The following KIAA2012 variants were observed in gnomAD, a reference collection of about 807,000 sequenced individuals.
KIAA2012 encodes KIAA2012.
In KIAA2012, 125 loss-of-function variants were observed where a neutral mutation model predicts 150.6. The observed-to-expected ratio is 0.83, with a 90% CI of 0.72 to 0.96. The LOEUF is 0.96. KIAA2012 is among the 40% of genes least tolerant of loss of function. The pLI is 0.00. For synonymous variants in KIAA2012, 462 were observed against 504.7 expected (o/e 0.92, Z 1.13); for missense variants, 1,219 against 1,354.9 (o/e 0.90, Z 1.57).
At chr2:202,126,226 TA>T (rs1293724618) in intron 12 of KIAA2012, among the ~76,000 whole-genome samples, 33 of 152,048 alleles carry the variant, frequency 2.2e-4, no homozygotes, top group African/African-American at 7.7e-4. Flanking sequence ...GTACTGGGAT[TA>T]CAGGCATGAG....
At chr2:202,079,920 A>G (rs1689409219) in intron 2 of KIAA2012, among the ~76,000 whole-genome samples, 1 of 152,208 alleles carries the variant, frequency 6.6e-6, no homozygotes, top group Admixed American at 6.5e-5. Flanking sequence ...TGTGTTTTAA[A>G]ATTCAGTTCA....
At chr2:202,177,355 G>A (rs10204998) in intron 15 of KIAA2012, among the ~76,000 whole-genome samples, 47,728 of 152,040 alleles carry the variant, frequency 0.31, 7,544 homozygotes, top group South Asian at 0.36. Flanking sequence ...GGGAGGGAGA[G>A]GGAAATGGGA....
intron 4 of KIAA2012, among the ~76,000 whole-genome samples, chr2:202,096,852 T>C (rs144207754): frequency 6.6e-6 from 1 of 152,352 alleles, no homozygotes; most frequent in East Asian, 1.9e-4. Context: ...GTTAACTATG[T>C]TGGAGTCATC....
At chr2:202,093,855 T>C (rs1689797007) in intron 4 of KIAA2012, among the ~76,000 whole-genome samples, 1 of 152,160 alleles carries the variant, frequency 6.6e-6, no homozygotes, top group African/African-American at 2.4e-5. Context: ...CTATGGAACT[T>C]GAAGCATTAA....
chr2:202,158,497 T>C (rs1691581724), intron 14 of KIAA2012, among the ~76,000 whole-genome samples: 2 of 152,088 alleles, frequency 1.3e-5, no homozygotes, highest in South Asian at 4.1e-4. Flanking sequence ...TCATTTTCCA[T>C]TTGTTGCATG....
At chr2:202,083,653 A>G (rs183397826) in intron 2 of KIAA2012, among the ~76,000 whole-genome samples, 5 of 151,672 alleles carry the variant, frequency 3.3e-5, no homozygotes, top group Admixed American at 3.3e-4. Flanking sequence ...AATCGAGCCA[A>G]CGTCTGAGTA....
At chr2:202,084,723 G>A (rs1689524514) in intron 2 of KIAA2012, among the ~76,000 whole-genome samples, 1 of 152,130 alleles carries the variant, frequency 6.6e-6, no homozygotes, top group African/African-American at 2.4e-5. Flanking sequence ...CTTTAGGGAA[G>A]AACTAAGGAA....
At chr2:202,159,564 G>A (rs950149904) in intron 14 of KIAA2012, among the ~76,000 whole-genome samples, 2 of 152,178 alleles carry the variant, frequency 1.3e-5, no homozygotes, top group African/African-American at 2.4e-5. Context: ...GGACCTGACA[G>A]GGCATGGTGG....
chr2:202,193,191 G>A, intron 19 of KIAA2012, 110 bp from the exon 20 acceptor site: 2 of 1,144,056 alleles, frequency 1.7e-6, no homozygotes, highest in Non-Finnish European at 1.3e-6. Context: ...TGTGGAGTCT[G>A]TTTTATGATT....
chr2:202,107,869 T>G (rs7571295), intron 9 of KIAA2012, among the ~76,000 whole-genome samples: 44,010 of 151,590 alleles, frequency 0.29, 7,879 homozygotes, highest in Non-Finnish European at 0.4. Flanking sequence ...ATTAGCCGGG[T>G]GTGGTGGCAC....
intron 15 of KIAA2012, among the ~76,000 whole-genome samples, chr2:202,183,456 G>A (rs1242783287): frequency 1.4e-5 from 2 of 138,752 alleles, no homozygotes; most frequent in Non-Finnish European, 3.0e-5. Context: ...TTTTTGGGGG[G>A]TTTTTGGGGG....
chr2:202,162,298 G>A (rs566246971), intron 14 of KIAA2012, among the ~76,000 whole-genome samples: 1 of 151,748 alleles, frequency 6.6e-6, no homozygotes, highest in Non-Finnish European at 1.5e-5. Context: ...TTTTTTAGAT[G>A]GAGTCTCACT....
At position 202,204,030 on chromosome 2, in the gene KIAA2012, G is replaced by C. The variant is rs1692586122; in HGVS notation, c.*21-968G>C. Among the ~76,000 whole-genome samples the C allele has an allele frequency of 2.0e-5, 3 of 151,280 alleles. No homozygotes were observed. In the South Asian group the frequency reaches 6.2e-4, roughly 31 times the overall value. On this transcript the variant is annotated intron_variant, in intron 23 of 23. Coordinates refer to ENST00000498697, the MANE Select transcript of KIAA2012 (RefSeq NM_001277372.4). Reference sequence around the variant, plus strand: ...GTGATCCGCCTACCTTGGCCTCCCAGAGTGCTGGGATTACAGGCGTGAGCC... The same window carrying C: ...GTGATCCGCCTACCTTGGCCTCCCACAGTGCTGGGATTACAGGCGTGAGCC...
rs769540369 is a variant in KIAA2012 at position 202,190,434 on chromosome 2, G to A, written c.2752G>A (p.Ala918Thr). The change falls in exon 19 of 24, where the codon GCA becomes ACA. Residue 918 changes from alanine to threonine, a missense_variant. Physicochemically the swap from Ala to Thr is moderately conservative, Grantham distance 58. Coordinates refer to ENST00000498697, the MANE Select transcript of KIAA2012 (RefSeq NM_001277372.4). Reference sequence around the variant, plus strand: ...TGGAAGATCATCACCCTCTCAGATTGCAACTGTCACTGGCAACATGGAATC... The same window carrying A: ...TGGAAGATCATCACCCTCTCAGATTACAACTGTCACTGGCAACATGGAATC... ...LDGRSSPSQIATVTGNMESKE... is the reference protein window; with the variant it reads ...LDGRSSPSQITTVTGNMESKE... The A allele has an allele frequency of 3.9e-6, 6 of 1,548,772 alleles. No individual in the cohort carries two copies. In the African/African-American group the frequency reaches 8.2e-5, roughly 21 times the overall value.
chr2:202,099,758 G>T lies in KIAA2012; in HGVS notation c.974G>T (p.Cys325Phe). 1 of 1,550,332 alleles carries T rather than the reference G, an allele frequency of 6.5e-7. No individual in the cohort carries two copies. The highest frequency in any genetic ancestry group is 8.7e-7 in the Non-Finnish European group (1 of 1,146,914). Residue 325 changes from cysteine to phenylalanine, a missense_variant, in exon 6 of 24, where the codon TGT becomes TTT. Physicochemically the swap from Cys to Phe is radical, Grantham distance 205. Coordinates refer to ENST00000498697, the MANE Select transcript of KIAA2012 (RefSeq NM_001277372.4). Reference protein sequence around the residue: ...LPSDKSHITFCGGAFPNRKAD... With the variant: ...LPSDKSHITFFGGAFPNRKAD... ...AGTGACAAATCCCACATTACATTCTGTGGAGGCGCCTTCCCTAATAGGAAG... is the reference window on the plus strand; with the variant it reads ...AGTGACAAATCCCACATTACATTCTTTGGAGGCGCCTTCCCTAATAGGAAG...
intron 10 of KIAA2012, 43 bp from the exon 11 acceptor site, chr2:202,113,293 C>CAA: frequency 6.8e-7 from 1 of 1,480,260 alleles, no homozygotes; most frequent in Non-Finnish European, 9.2e-7. Context: ...TCTCCCTCAC[C>CAA]AACACGGTAC....
intron 19 of KIAA2012, among the ~76,000 whole-genome samples, chr2:202,191,341 G>A (rs1034495089): frequency 2.6e-5 from 4 of 152,072 alleles, no homozygotes; most frequent in African/African-American, 9.7e-5. Flanking sequence ...TAATGTGGAG[G>A]TCTGAAGAGA....
intron 15 of KIAA2012, among the ~76,000 whole-genome samples, chr2:202,167,168 C>T (rs1215962067): frequency 6.7e-6 from 1 of 148,982 alleles, no homozygotes; most frequent in Non-Finnish European, 1.5e-5. Context: ...AGTGAGACTC[C>T]GTCTCAAAAA....
At chr2:202,074,481 C>T (rs529934817) in intron 1 of KIAA2012, among the ~76,000 whole-genome samples, 12 of 152,320 alleles carry the variant, frequency 7.9e-5, no homozygotes, top group African/African-American at 2.4e-4. Context: ...ATTCTCCCCA[C>T]GTACAGCTGA....
Sources: gnomAD v4.1 joint callset for allele counts (sites outside exome capture counted in the v4.1 genomes callset) on GRCh38, gnomAD v4.1.1 for gene constraint, MANE v1.5 for transcripts, NCBI Gene and HGNC (gene_info 2026-07-23, HGNC 2026-07-21) for gene names.